Variants in LONRF1 observed in about 807,000 individuals in gnomAD.
LONRF1 encodes LON peptidase N-terminal domain and RING finger protein 1.
In LONRF1, 37 loss-of-function variants were observed where a neutral mutation model predicts 85.8. The ratio of observed to expected loss-of-function variants is 0.43; its 90% CI spans 0.33 to 0.57. The LOEUF is 0.57. Among genes scored for constraint, LONRF1 ranks in the 20% least tolerant of loss-of-function variants. LONRF1 has a pLI of 0.04. For missense variants in LONRF1, 1,036 were observed against 978.0 expected (o/e 1.06, Z -0.79); for synonymous variants, 517 against 390.1 (o/e 1.33, Z -3.83).
intron 10 of LONRF1, 95 bp downstream of exon 10, chr8:12,728,806 A>C: frequency 7.2e-7 from 1 of 1,383,276 alleles, no homozygotes; most frequent in Non-Finnish European, 1.0e-6. Context: ...TCTGATAAGA[A>C]CTGGTTCATG....
chr8:12,730,354 A>G (rs1242192668), intron 8 of LONRF1, among the ~76,000 whole-genome samples: 1 of 152,256 alleles, frequency 6.6e-6, no homozygotes, highest in Non-Finnish European at 1.5e-5. Flanking sequence ...AAATGCCAAT[A>G]GTTGATTCCC....
intron 1 of LONRF1, chr8:12,753,769 G>C (rs1338384104): frequency 6.6e-6 from 1 of 152,214 alleles, no homozygotes; most frequent in Non-Finnish European, 1.5e-5. Flanking sequence ...TGCTAACCTA[G>C]GTTAGGAGGC....
At chr8:12,747,768 T>C (rs1799223582) in intron 1 of LONRF1, among the ~76,000 whole-genome samples, 1 of 152,144 alleles carries the variant, frequency 6.6e-6, no homozygotes, top group Non-Finnish European at 1.5e-5. Flanking sequence ...TTTTTTTTTT[T>C]TTTTTTAGAA....
intron 3 of LONRF1, 87 bp from the exon 4 acceptor site, chr8:12,738,231 T>A: frequency 1.1e-6 from 1 of 915,644 alleles, no homozygotes; most frequent in Non-Finnish European, 1.5e-6. Flanking sequence ...AAAGAATATG[T>A]AGAAAGTTTG....
chr8:12,741,750 T>G (rs1798941348), intron 2 of LONRF1, among the ~76,000 whole-genome samples: 1 of 152,234 alleles, frequency 6.6e-6, no homozygotes, highest in Non-Finnish European at 1.5e-5. Context: ...TAGGAATGTA[T>G]AATTGCCCAT....
intron 8 of LONRF1, 40 bp downstream of exon 8, chr8:12,731,695 AG>A (rs755217103): frequency 4.4e-5 from 69 of 1,561,240 alleles, no homozygotes; most frequent in Non-Finnish European, 5.8e-5. Context: ...TTACTATTAA[AG>A]GGTAGTAGTT....
intron 11 of LONRF1, 39 bp from the exon 12 acceptor site, chr8:12,723,293 G>T: frequency 6.4e-7 from 1 of 1,551,726 alleles, no homozygotes; most frequent in Non-Finnish European, 8.7e-7. Flanking sequence ...AATAAAACAA[G>T]GATTTATGTA....
intron 8 of LONRF1, 198 bp from the exon 9 acceptor site, chr8:12,729,530 T>G: frequency 1.9e-6 from 1 of 519,652 alleles, no homozygotes; most frequent in Non-Finnish European, 3.4e-6. Flanking sequence ...GATGAAATAT[T>G]AATACTGAAA....
Position 12,754,952 on chromosome 8 carries a change from G to T in LONRF1, c.469C>A (p.Leu157Ile). Residue 157 changes from leucine to isoleucine, a missense_variant, in exon 1 of 12, where the codon CTC becomes ATC. Around this residue, in one of 3 missense-constraint regions of LONRF1, gnomAD observed 742 missense variants for 614.4 expected, o/e 1.21. Coordinates refer to ENST00000398246, the MANE Select transcript of LONRF1 (RefSeq NM_152271.5). ...LRRELRARCR[L>I]CRDRLPPATA... ...GCGGGCGGCAGCCGGTCCCGGCAGA[G>T]GCGGCAGCGGGCGCGGAGTTCCCTC... 1 of 1,490,202 alleles carries T rather than the reference G, an allele frequency of 6.7e-7. No individual in the cohort carries two copies. The allele number at this position is 1,490,202 out of a possible 1,614,324, so 92.3% of individuals were successfully genotyped here. A position where few individuals can be genotyped will look rare whatever the true frequency, so the allele number is the denominator to read the frequency against.
chr8:12,752,675 A>C (rs1799456141), intron 1 of LONRF1, among the ~76,000 whole-genome samples: 1 of 152,230 alleles, frequency 6.6e-6, no homozygotes, highest in South Asian at 2.1e-4. Context: ...CCTCGATCCA[A>C]GAACCAGAAT....
rs1799560674 is a variant in LONRF1, at chr8:12,754,707, C to G, written c.714G>C (p.Leu238=). Residue 238 remains leucine, a synonymous_variant, in exon 1 of 12, where the codon CTG becomes CTC. Transcript: ENST00000398246. ...REALAAACEA[L]RAEPSDLIVK... is the part of the protein sequence containing the mutation. ...GCATCCCCGCGCGGTCACCTGCTCG[C>G]AGCGCCTCGCAGGCGGCGGCCAGGG... 2.9e-6 allele frequency: 4 copies of G among 1,377,824 alleles called. No homozygotes were observed. The East Asian group carries it at 1.2e-4, about 43-fold the overall frequency. The allele number at this position is 1,377,824 out of a possible 1,614,324, so 85.3% of individuals were successfully genotyped here.
Position 12,722,962 on chromosome 8 carries a change from T to C in LONRF1, c.*134A>G. The C allele has an allele frequency of 1.2e-6, 1 of 800,892 alleles. No individual in the cohort carries two copies. The highest frequency in any genetic ancestry group is 2.0e-6 in the Non-Finnish European group (1 of 511,874). The allele number at this position is 800,892 out of a possible 1,614,324, so 49.6% of individuals were successfully genotyped here. On this transcript the variant is annotated 3_prime_UTR_variant, in exon 12 of 12. Coordinates refer to ENST00000398246, the MANE Select transcript of LONRF1 (RefSeq NM_152271.5). ...GGTATTCATTTGCAGAACCACATGA[T>C]TCAGGAGGTCGAAGGAAAAAGAAAA...
rs1799590307 is a variant in LONRF1, at chr8:12,755,162, C to G, written c.259G>C (p.Gly87Arg). The G allele has an allele frequency of 1.8e-5, 25 of 1,416,970 alleles. No individual in the cohort carries two copies. The highest frequency in any genetic ancestry group is 2.0e-5 in the Non-Finnish European group (22 of 1,087,424). The allele number at this position is 1,416,970 out of a possible 1,614,324, so 87.8% of individuals were successfully genotyped here. A position where few individuals can be genotyped will look rare whatever the true frequency, so the allele number is the denominator to read the frequency against. Reference protein sequence around the residue: ...RGAPARPECLGALVDCLVFNY... With the variant: ...RGAPARPECLRALVDCLVFNY... ...AACACCAGGCAGTCCACCAGGGCGC[C>G]CAGGCACTCGGGCCTGGCCGGGGCC... The change falls in exon 1 of 12, where the codon GGC becomes CGC. Residue 87 changes from glycine to arginine, a missense_variant. Around this residue, in one of 3 missense-constraint regions of LONRF1, gnomAD observed 742 missense variants for 614.4 expected, o/e 1.21. Coordinates refer to ENST00000398246, the MANE Select transcript of LONRF1 (RefSeq NM_152271.5).
rs1799590826 is a variant in LONRF1 at position 12,755,171 on chromosome 8, C to T, written c.250G>A (p.Glu84Lys). The T allele has an allele frequency of 1.5e-6, 2 of 1,359,784 alleles. No individual in the cohort carries two copies. The highest frequency in any genetic ancestry group is 1.9e-6 in the Non-Finnish European group (2 of 1,062,054). 84.2% of individuals were successfully genotyped at this position (1,359,784 alleles called of 1,614,324 possible). ...CAGTCCACCAGGGCGCCCAGGCACTCGGGCCTGGCCGGGGCCCCGCGGCGC... is the reference window on the plus strand; with the variant it reads ...CAGTCCACCAGGGCGCCCAGGCACTTGGGCCTGGCCGGGGCCCCGCGGCGC... The part of the protein sequence containing the change: ...ALRRGAPARP[E>K]CLGALVDCLV... The change falls in exon 1 of 12, where the codon GAG becomes AAG. Residue 84 changes from glutamate (E) to lysine (K), a missense_variant. Physicochemically the swap from Glu to Lys is moderately conservative, Grantham distance 56. Transcript: ENST00000398246.
Position 12,729,216 on chromosome 8 carries a change from C to A in LONRF1, c.1805G>T (p.Gly602Val). The change falls in exon 9 of 12, where the codon GGA becomes GTA. Residue 602 changes from glycine to valine, a missense_variant. Physicochemically the swap from Gly to Val is moderately radical, Grantham distance 109. Coordinates refer to ENST00000398246, the MANE Select transcript of LONRF1 (RefSeq NM_152271.5). ...GACACACATGCCAAACTGTTTGGTT[C>A]CAGTCTGTATACTTCTTCGAATCAT... ...RLMIRRSIQTGTKQFGMCVSD... is the reference protein window; with the variant it reads ...RLMIRRSIQTVTKQFGMCVSD... The A allele has an allele frequency of 2.5e-6, 4 of 1,613,910 alleles. No homozygotes were observed. The highest frequency in any genetic ancestry group is 3.4e-6 in the Non-Finnish European group (4 of 1,179,894).
At chr8:12,739,274 G>A (rs562787054) in intron 3 of LONRF1, among the ~76,000 whole-genome samples, 90 of 139,702 alleles carry the variant, frequency 6.4e-4, no homozygotes, top group African/African-American at 2.2e-3. Context: ...ATTCCATTAT[G>A]TTCATATAAT....
chr8:12,754,672 C>T, intron 1 of LONRF1, 28 bp downstream of exon 1: 3 of 1,320,702 alleles, frequency 2.3e-6, no homozygotes, highest in Middle Eastern at 2.9e-4. Context: ...GCGGTCGGCC[C>T]GGCCCCGCCG....
chr8:12,754,619 C>A lies in LONRF1; in HGVS notation c.721+81G>T, dbSNP rs1290506949. On this transcript the variant is annotated intron_variant, in intron 1 of 11. Coordinates refer to ENST00000398246, the MANE Select transcript of LONRF1 (RefSeq NM_152271.5). ...GGGGAAGCAGAGGAGACTCTCGGGGCGCAGACAAGCTCCGGGTCCCCGGCC... is the reference window on the plus strand; with the variant it reads ...GGGGAAGCAGAGGAGACTCTCGGGGAGCAGACAAGCTCCGGGTCCCCGGCC... 5 of 1,240,560 alleles carry A rather than the reference C, an allele frequency of 4.0e-6. No homozygotes were observed. In the Admixed American group the frequency reaches 1.7e-4, roughly 43 times the overall value. The allele number at this position is 1,240,560 out of a possible 1,614,324, so 76.8% of individuals were successfully genotyped here. A position where few individuals can be genotyped will look rare whatever the true frequency, so the allele number is the denominator to read the frequency against.
At chr8:12,749,294 G>A (rs1416540255) in intron 1 of LONRF1, among the ~76,000 whole-genome samples, 1 of 152,048 alleles carries the variant, frequency 6.6e-6, no homozygotes, top group East Asian at 1.9e-4. Context: ...AGAGCAGACT[G>A]GACAACAGAC....
Sources: gnomAD v4.1 joint callset for allele counts (sites outside exome capture counted in the v4.1 genomes callset) on GRCh38, gnomAD v4.1.1 for gene constraint, gnomAD v4.1.1 regional missense constraint, MANE v1.5 for transcripts, NCBI Gene and HGNC (gene_info 2026-07-23, HGNC 2026-07-21) for gene names.